Variants in SCN3A observed in about 807,000 individuals in gnomAD.
The protein encoded by SCN3A is sodium channel protein type 3 subunit alpha.
A neutral mutation model predicts 187.6 loss-of-function variants in SCN3A; 60 were observed. The observed-to-expected ratio is 0.32, with a 90% confidence interval of 0.26 to 0.40. SCN3A has a LOEUF of 0.40. SCN3A is among the 10% of genes least tolerant of loss of function. SCN3A has a pLI of 1.00. For synonymous variants in SCN3A, 788 were observed against 829.2 expected (o/e 0.95, Z 0.85); for missense variants, 1,601 against 2,428.2 (o/e 0.66, Z 7.16).
intron 21 of SCN3A, 129 bp downstream of exon 21, chr2:165,112,756 G>T (rs574821611): frequency 3.8e-6 from 3 of 795,826 alleles, no homozygotes; most frequent in Non-Finnish European, 6.1e-6. Flanking sequence ...TGTTGCATAT[G>T]TTACAGTTTT....
At chr2:165,198,287 A>T (rs546184805) in intron 1 of SCN3A, among the ~76,000 whole-genome samples, 1 of 152,150 alleles carries the variant, frequency 6.6e-6, no homozygotes, top group African/African-American at 2.4e-5. Flanking sequence ...CAAGGATTTG[A>T]AATGAAACAG....
At chr2:165,094,294 T>C (rs1213194505) in intron 26 of SCN3A, 80 bp downstream of exon 26, 4 of 998,564 alleles carry the variant, frequency 4.0e-6, no homozygotes, top group Non-Finnish European at 6.5e-6. Flanking sequence ...TCACCTAATA[T>C]GTTCTGCTCC....
chr2:165,171,387 T>C lies in SCN3A; in HGVS notation c.265-839A>G, dbSNP rs76166753. ...GGTCATTTAATGCAAACTCCCTTCATTTCAGGGAAATGTCTCCACAACACA... is the reference window on the plus strand; with the variant it reads ...GGTCATTTAATGCAAACTCCCTTCACTTCAGGGAAATGTCTCCACAACACA... On this transcript the variant is annotated intron_variant, in intron 3 of 27. Coordinates refer to ENST00000283254, the MANE Select transcript of SCN3A (RefSeq NM_006922.4). Among the ~76,000 whole-genome samples, 918 of 152,066 alleles carry C rather than the reference T, an allele frequency of 6.0e-3. 7 individuals carry two copies. Among genetic ancestry groups the C allele is most frequent in the African/African-American group, 0.021 (876 of 41,540 alleles).
At chr2:165,147,123 A>G in intron 11 of SCN3A, 94 bp from the exon 12 acceptor site, 2 of 1,410,050 alleles carry the variant, frequency 1.4e-6, no homozygotes, top group East Asian at 2.3e-5. Context: ...CTCATTAACT[A>G]CAAGTGAAAA....
chr2:165,198,346 G>A (rs1692100707), intron 1 of SCN3A, among the ~76,000 whole-genome samples: 1 of 151,942 alleles, frequency 6.6e-6, no homozygotes, highest in Non-Finnish European at 1.5e-5. Context: ...ATGTAGCTGT[G>A]CTTCTAAATA....
intron 14 of SCN3A, 51 bp from the exon 15 acceptor site, chr2:165,138,168 A>T: frequency 7.7e-7 from 1 of 1,290,440 alleles, no homozygotes; most frequent in Non-Finnish European, 1.1e-6. Context: ...AAAATGAGTT[A>T]TTATTGCTAG....
intron 18 of SCN3A, among the ~76,000 whole-genome samples, chr2:165,119,958 G>A (rs986890662): frequency 3.9e-5 from 6 of 152,100 alleles, no homozygotes; most frequent in Admixed American, 3.3e-4. Flanking sequence ...GTTCAAACTT[G>A]TTTTCTTGTA....
intron 18 of SCN3A, among the ~76,000 whole-genome samples, chr2:165,123,493 A>C (rs1379905163): frequency 6.6e-6 from 1 of 152,168 alleles, no homozygotes; most frequent in Non-Finnish European, 1.5e-5. Context: ...CTCTTCAAGC[A>C]GACATTTCAT....
intron 18 of SCN3A, 132 bp from the exon 19 acceptor site, chr2:165,115,707 T>C (rs1686339332): frequency 2.4e-6 from 2 of 833,746 alleles, no homozygotes; most frequent in African/African-American, 1.7e-5. Flanking sequence ...CTGATCATTA[T>C]GTACTAATAA....
At chr2:165,115,373 A>T (rs562159270) in intron 19 of SCN3A, 82 bp downstream of exon 19, 159 of 1,327,978 alleles carry the variant, frequency 1.2e-4, no homozygotes, top group Middle Eastern at 1.0e-3. Flanking sequence ...CGTTTCATAA[A>T]TTTTTTTTTT....
chr2:165,130,826 C>T (rs1038189704), intron 16 of SCN3A, among the ~76,000 whole-genome samples: 2 of 151,956 alleles, frequency 1.3e-5, no homozygotes, highest in African/African-American at 4.8e-5. Flanking sequence ...GTTTTTTATA[C>T]AATTATTTAA....
At chr2:165,192,783 G>A (rs944496597) in intron 1 of SCN3A, among the ~76,000 whole-genome samples, 1 of 152,104 alleles carries the variant, frequency 6.6e-6, no homozygotes, top group African/African-American at 2.4e-5. Context: ...TATTGAAGAT[G>A]TGCCTTATTG....
intron 15 of SCN3A, among the ~76,000 whole-genome samples, chr2:165,134,771 A>G (rs1025925895): frequency 1.4e-4 from 21 of 152,054 alleles, no homozygotes; most frequent in African/African-American, 4.8e-4. Context: ...AGAAGCAGCT[A>G]TTATTTGAAA....
intron 21 of SCN3A, among the ~76,000 whole-genome samples, chr2:165,106,519 A>G (rs1235462679): frequency 6.6e-6 from 1 of 152,094 alleles, no homozygotes; most frequent in African/African-American, 2.4e-5. Context: ...AAAGATATGA[A>G]TTGTTTTTGA....
chr2:165,138,596 C>T (rs966605621), intron 14 of SCN3A, among the ~76,000 whole-genome samples: 10 of 152,052 alleles, frequency 6.6e-5, no homozygotes, highest in South Asian at 2.1e-4. Context: ...ACAGTGAGAA[C>T]GTAGTATGCC....
chr2:165,163,309 C>A (rs1003174936), intron 7 of SCN3A, among the ~76,000 whole-genome samples: 1 of 151,844 alleles, frequency 6.6e-6, no homozygotes, highest in Non-Finnish European at 1.5e-5. Context: ...ACATCTGCAG[C>A]GAATGGTAAA....
chr2:165,193,369 G>A (rs1691733290), intron 1 of SCN3A, among the ~76,000 whole-genome samples: 1 of 152,118 alleles, frequency 6.6e-6, no homozygotes, highest in Non-Finnish European at 1.5e-5. Context: ...CTCTCTCTGT[G>A]TGCGCAGTGG....
intron 17 of SCN3A, among the ~76,000 whole-genome samples, chr2:165,129,483 C>G (rs1393005758): frequency 6.6e-6 from 1 of 152,172 alleles, no homozygotes; most frequent in Admixed American, 6.5e-5. Context: ...AAATTTGGTA[C>G]TATGCAACCT....
chr2:165,183,947 T>G (rs1480654261), intron 2 of SCN3A, among the ~76,000 whole-genome samples: 1 of 152,156 alleles, frequency 6.6e-6, no homozygotes, highest in African/African-American at 2.4e-5. Context: ...GGTCCATTAC[T>G]GAGGAGGGAT....
Sources: gnomAD v4.1 joint callset for allele counts (sites outside exome capture counted in the v4.1 genomes callset) on GRCh38, gnomAD v4.1.1 for gene constraint, MANE v1.5 for transcripts, NCBI Gene and HGNC (gene_info 2026-07-23, HGNC 2026-07-21) for gene names.